Variants in FXN observed in about 807,000 individuals in gnomAD.
FXN encodes frataxin, mitochondrial.
FXN carries 14 observed loss-of-function variants against 22.4 expected under a neutral mutation model. That is an observed-to-expected ratio of 0.62 (90% CI 0.41 to 0.98). The LOEUF is 0.98. FXN is among the 50% of genes least tolerant of loss of function. The pLI, the probability that FXN is intolerant of heterozygous loss-of-function variation, is 0.00. For missense variants in FXN, 267 were observed against 268.4 expected, an observed-to-expected ratio of 0.99 and a Z score of 0.04; for synonymous variants, 120 against 114.1, an observed-to-expected ratio of 1.05 and a Z score of -0.33.
intron 1 of FXN, among the ~76,000 whole-genome samples, chr9:69,043,988 G>A (rs1384179660): frequency 6.6e-6 from 1 of 152,176 alleles, no homozygotes; most frequent in Non-Finnish European, 1.5e-5. Flanking sequence ...CTCCCAAAGT[G>A]CGGGGATTAC....
chr9:69,050,867 G>A (rs1412594769), intron 2 of FXN, among the ~76,000 whole-genome samples: 4 of 150,312 alleles, frequency 2.7e-5, no homozygotes, highest in Admixed American at 6.7e-5. Flanking sequence ...TGCAACCTCC[G>A]CCTCCTGGGT....
chr9:69,044,869 G>C (rs1831719424), intron 1 of FXN, among the ~76,000 whole-genome samples: 1 of 152,276 alleles, frequency 6.6e-6, no homozygotes, highest in South Asian at 2.1e-4. Flanking sequence ...CTGTCCTGCA[G>C]ATCATGATAA....
chr9:69,058,249 C>T (rs1045882907), intron 3 of FXN, among the ~76,000 whole-genome samples: 2 of 152,078 alleles, frequency 1.3e-5, no homozygotes, highest in Non-Finnish European at 1.5e-5. Flanking sequence ...CCCTTACTGG[C>T]ACTGGTCATT....
chr9:69,035,971 C>A, intron 1 of FXN, 24 bp downstream of exon 1: 1 of 1,420,474 alleles, frequency 7.0e-7, no homozygotes, highest in Non-Finnish European at 9.2e-7. Flanking sequence ...CCGGGAACAG[C>A]CGCGGGCCGC....
chr9:69,047,708 TTCTC>T (rs372692496), intron 2 of FXN, among the ~76,000 whole-genome samples: 15 of 151,194 alleles, frequency 9.9e-5, no homozygotes, highest in African/African-American at 1.5e-4. Context: ...CCAGACTCAT[TTCTC>T]TCTCTCTCTC....
At chr9:69,042,356 C>G (rs1831672827) in intron 1 of FXN, among the ~76,000 whole-genome samples, 1 of 152,120 alleles carries the variant, frequency 6.6e-6, no homozygotes, top group African/African-American at 2.4e-5. Context: ...TGCCTCTCAC[C>G]TAGTTCTCCA....
chr9:69,042,655 C>G (rs967453124), intron 1 of FXN, among the ~76,000 whole-genome samples: 5 of 152,172 alleles, frequency 3.3e-5, no homozygotes, highest in Non-Finnish European at 7.3e-5. Flanking sequence ...ATTTGACCTT[C>G]CCACCAGTAA....
intron 1 of FXN, 32 bp downstream of exon 1, chr9:69,035,979 C>T (rs1378506307): frequency 7.1e-7 from 1 of 1,404,316 alleles, no homozygotes; most frequent in South Asian, 1.4e-5. Flanking sequence ...AGCCGCGGGC[C>T]GCACGCCGCG....
chr9:69,064,690 C>G (rs948333591), intron 3 of FXN, among the ~76,000 whole-genome samples: 2 of 152,162 alleles, frequency 1.3e-5, no homozygotes, highest in Admixed American at 1.3e-4. Flanking sequence ...ACCTTGCAGA[C>G]CTCACAGGGA....
In FXN at chr9:69,078,055, T is replaced by C. The variant is rs1040647851; in HGVS notation, c.*5293T>C. 7 of 985,276 alleles carry C rather than the reference T, an allele frequency of 7.1e-6. No individual in the cohort carries two copies. The African/African-American group carries it at 1.2e-4, about 17-fold the overall frequency. The allele number at this position is 985,276 out of a possible 1,614,324, so 61.0% of individuals were successfully genotyped here. On this transcript the variant is annotated 3_prime_UTR_variant, in exon 5 of 5. Coordinates refer to ENST00000484259, the MANE Select transcript of FXN (RefSeq NM_000144.5). ...CGCACTCTATGATGCTAGCTGAGAT[T>C]TTTCCAAAAGAAAATGGCTTAAATA...
chr9:69,075,047 G>A lies in FXN; in HGVS notation c.*2285G>A. On this transcript the variant is annotated 3_prime_UTR_variant, in exon 5 of 5. Transcript: ENST00000484259. The stretch of plus-strand genomic sequence containing the variant: ...CATGAAAGTGGAAGTTAAGGAATCT[G>A]GGCTCTTATGGGGTCCTTGTGGGCC... 1.0e-6 allele frequency: 1 copy of A among 985,368 alleles called. No homozygotes were observed. The highest frequency in any genetic ancestry group is 1.7e-5 in the African/African-American group (1 of 57,304). 61.0% of individuals were successfully genotyped at this position (985,368 alleles called of 1,614,324 possible).
chr9:69,061,442 G>A (rs1029201095), intron 3 of FXN, among the ~76,000 whole-genome samples: 1 of 151,986 alleles, frequency 6.6e-6, no homozygotes, highest in African/African-American at 2.4e-5. Context: ...CCAGTATAGG[G>A]TGCAACACAC....
chr9:69,057,579 A>G (rs9411179), intron 3 of FXN, among the ~76,000 whole-genome samples: 37,608 of 152,070 alleles, frequency 0.25, 4,812 homozygotes, highest in South Asian at 0.34. Context: ...TGCCATCTAT[A>G]GTTTGGACTT....
At chr9:69,053,880 G>C (rs1831906690) in intron 3 of FXN, among the ~76,000 whole-genome samples, 1 of 152,200 alleles carries the variant, frequency 6.6e-6, no homozygotes, top group Non-Finnish European at 1.5e-5. Context: ...GCTCACCTGG[G>C]ATTCTAATGT....
At chr9:69,047,266 T>C (rs1831772167) in intron 2 of FXN, among the ~76,000 whole-genome samples, 1 of 151,614 alleles carries the variant, frequency 6.6e-6, no homozygotes, top group African/African-American at 2.4e-5. Flanking sequence ...AGTCCAAGAT[T>C]TCCAGGTGAC....
At chr9:69,040,671 GA>G (rs899257114) in intron 1 of FXN, among the ~76,000 whole-genome samples, 291 of 150,376 alleles carry the variant, frequency 1.9e-3, no homozygotes, top group African/African-American at 6.6e-3. Flanking sequence ...GCATCTCAAA[GA>G]AAAAAATAAA....
Position 69,075,459 on chromosome 9 carries a change from C to CAAATAAAT in FXN, c.*2713_*2720dup, listed in dbSNP as rs56827613. 6.3e-3 allele frequency: 5,798 copies of CAAATAAAT among 923,804 alleles called. 42 individuals carry two copies. The highest frequency in any genetic ancestry group is 0.03 in the African/African-American group (1,619 of 54,836). The allele number at this position is 923,804 out of a possible 1,614,324, so 57.2% of individuals were successfully genotyped here. A position where few individuals can be genotyped will look rare whatever the true frequency, so the allele number is the denominator to read the frequency against. On this transcript the variant is annotated 3_prime_UTR_variant, in exon 5 of 5. Coordinates refer to ENST00000484259, the MANE Select transcript of FXN (RefSeq NM_000144.5). ...TGGCCAACAGAGCCATACTCCGTCT[C>CAAATAAAT]AAATAAATAAATAAATAAATAAAGG...
At chr9:69,055,888 T>A (rs1831949090) in intron 3 of FXN, among the ~76,000 whole-genome samples, 1 of 151,190 alleles carries the variant, frequency 6.6e-6, no homozygotes. Context: ...TGGTATTTAG[T>A]ATTATTATTT....
intron 3 of FXN, among the ~76,000 whole-genome samples, chr9:69,055,836 C>T (rs901801812): frequency 6.6e-6 from 1 of 151,024 alleles, no homozygotes; most frequent in Non-Finnish European, 1.5e-5. Context: ...GAAAAAGTCA[C>T]AAATATATTT....
Sources: allele counts gnomAD v4.1 joint callset (sites outside exome capture counted in the v4.1 genomes callset), GRCh38; gene constraint gnomAD v4.1.1; transcripts MANE v1.5; gene names NCBI Gene and HGNC (gene_info 2026-07-23, HGNC 2026-07-21).